PAIP2: variants seen among roughly 807,000 people sequenced by gnomAD.
PAIP2 encodes the protein polyadenylate-binding protein-interacting protein 2.
Under a neutral mutation model 14.8 loss-of-function variants are expected in PAIP2, and 7 were observed. The ratio of observed to expected loss-of-function variants is 0.47; its 90% CI spans 0.27 to 0.89. The LOEUF (loss-of-function observed/expected upper bound fraction) is 0.89, where lower values mean the gene tolerates loss of function less well. PAIP2 is among the 40% of genes least tolerant of loss of function. The probability of loss-of-function intolerance (pLI) is 0.13; values close to 1 mark genes in which losing one functional copy is unlikely to be tolerated. For missense variants in PAIP2, 122 were observed against 154.7 expected, an observed-to-expected ratio of 0.79 and a Z score of 1.12; for synonymous variants, 47 against 45.3, an observed-to-expected ratio of 1.04 and a Z score of -0.15.
At chr5:139,354,988 T>G (rs1756864586) in intron 1 of PAIP2, among the ~76,000 whole-genome samples, 1 of 151,824 alleles carries the variant, frequency 6.6e-6, no homozygotes, top group African/African-American at 2.4e-5. Flanking sequence ...TCTGGCTAAT[T>G]TTTGTACTTT....
intron 1 of PAIP2, among the ~76,000 whole-genome samples, chr5:139,352,486 C>G (rs1756763418): frequency 1.3e-5 from 1 of 79,678 alleles, no homozygotes; most frequent in South Asian, 4.7e-4. Context: ...TAATTCCTGC[C>G]AGTTTTTTTT....
chr5:139,365,254 G>A (rs1757184836), intron 3 of PAIP2, among the ~76,000 whole-genome samples: 1 of 152,042 alleles, frequency 6.6e-6, no homozygotes. Context: ...GGGAGGCCGA[G>A]GTGGGTGGAT....
At chr5:139,352,503 T>TTTTTTTTTTTTTTTTG (rs1422182919) in intron 1 of PAIP2, among the ~76,000 whole-genome samples, 2 of 124,458 alleles carry the variant, frequency 1.6e-5, no homozygotes, top group Admixed American at 8.1e-5. Context: ...TTTTTTGTTG[T>TTTTTTTTTTTTTTTTG]TTTTTTTTTT....
At chr5:139,351,193 G>A (rs185806489) in intron 1 of PAIP2, among the ~76,000 whole-genome samples, 127 of 152,108 alleles carry the variant, frequency 8.3e-4, no homozygotes, top group Non-Finnish European at 1.5e-3. Context: ...ATAGGAATGC[G>A]TATTGCCACA....
chr5:139,369,521 C>T lies in PAIP2; in HGVS notation c.*723C>T, dbSNP rs1757521124. ...TAACATGATTTGAGTGGTGCTTTTC[C>T]TTGCTTTGTTAACCATCACGAGAGT... On this transcript the variant is annotated 3_prime_UTR_variant, in exon 4 of 4. Transcript: ENST00000265192. 6.6e-6 allele frequency: 1 copy of T among 152,442 alleles called. No individual in the cohort carries two copies. The highest frequency in any genetic ancestry group is 2.4e-5 in the African/African-American group (1 of 41,380). The allele number at this position is 152,442 out of a possible 1,614,324, so 9.4% of individuals were successfully genotyped here.
In PAIP2 at chr5:139,369,042, A is replaced by G. The variant is rs1035591935; in HGVS notation, c.*244A>G. ...TGAAGACAGCAAGGAAAGAAGCACCAGTCAAGTTGTGAACAAGCACCAAAT... is the reference window on the plus strand; with the variant it reads ...TGAAGACAGCAAGGAAAGAAGCACCGGTCAAGTTGTGAACAAGCACCAAAT... On this transcript the variant is annotated 3_prime_UTR_variant, in exon 4 of 4. Coordinates refer to ENST00000265192, the MANE Select transcript of PAIP2 (RefSeq NM_016480.5). 3 of 374,452 alleles carry G rather than the reference A, an allele frequency of 8.0e-6. No homozygotes were observed. The highest frequency in any genetic ancestry group is 1.4e-5 in the Non-Finnish European group (3 of 208,202). 23.2% of individuals were successfully genotyped at this position (374,452 alleles called of 1,614,324 possible).
intron 3 of PAIP2, among the ~76,000 whole-genome samples, chr5:139,366,015 C>T (rs990663347): frequency 1.3e-5 from 2 of 152,040 alleles, no homozygotes; most frequent in Non-Finnish European, 2.9e-5. Flanking sequence ...GCCTGACCAA[C>T]ATGGTGAAAC....
intron 1 of PAIP2, among the ~76,000 whole-genome samples, chr5:139,354,674 C>T (rs941256480): frequency 5.9e-5 from 9 of 152,110 alleles, no homozygotes; most frequent in Admixed American, 3.3e-4. Context: ...GGTCTGTCAA[C>T]GTTCTGTTCA....
intron 1 of PAIP2, among the ~76,000 whole-genome samples, chr5:139,356,112 T>C (rs1392903402): frequency 7.9e-5 from 12 of 151,332 alleles, no homozygotes; most frequent in Admixed American, 5.9e-4. Flanking sequence ...CACTCCAGCC[T>C]GGGTGACAGA....
At chr5:139,357,996 A>G (rs1163863925) in intron 1 of PAIP2, among the ~76,000 whole-genome samples, 1 of 152,034 alleles carries the variant, frequency 6.6e-6, no homozygotes, top group Non-Finnish European at 1.5e-5. Flanking sequence ...TTTTTTCTTA[A>G]GCATTCCTCT....
chr5:139,360,742 C>A (rs1757045331), intron 1 of PAIP2, among the ~76,000 whole-genome samples: 1 of 151,544 alleles, frequency 6.6e-6, no homozygotes, highest in Non-Finnish European at 1.5e-5. Context: ...GGATTACAGG[C>A]ATGAGCCGCA....
In PAIP2 at chr5:139,363,783, C is replaced by A; in HGVS notation, c.-2C>A. On this transcript the variant is annotated 5_prime_UTR_variant, in exon 2 of 4. Coordinates refer to ENST00000265192, the MANE Select transcript of PAIP2 (RefSeq NM_016480.5). Reference sequence around the variant, plus strand: ...GGTTAAAAACGACAACCAACATCAGCCATGAAAGATCCAAGTCGCAGCAGT... The same window carrying A: ...GGTTAAAAACGACAACCAACATCAGACATGAAAGATCCAAGTCGCAGCAGT... 2 of 1,613,430 alleles carry A rather than the reference C, an allele frequency of 1.2e-6. No individual in the cohort carries two copies. The highest frequency in any genetic ancestry group is 1.7e-6 in the Non-Finnish European group (2 of 1,179,672).
At chr5:139,365,977 G>A (rs909828582) in intron 3 of PAIP2, among the ~76,000 whole-genome samples, 3 of 152,070 alleles carry the variant, frequency 2.0e-5, no homozygotes, top group Non-Finnish European at 2.9e-5. Context: ...CGAGGCACGC[G>A]GATCACGAGG....
chr5:139,361,101 A>G (rs1936659061), intron 1 of PAIP2, among the ~76,000 whole-genome samples: 1 of 152,072 alleles, frequency 6.6e-6, no homozygotes, highest in African/African-American at 2.4e-5. Context: ...TTATAGATAT[A>G]CATACTATAA....
chr5:139,364,261 C>G (rs547979118), intron 2 of PAIP2, among the ~76,000 whole-genome samples: 26 of 152,224 alleles, frequency 1.7e-4, no homozygotes, highest in African/African-American at 6.3e-4. Flanking sequence ...CCGTGAAAGT[C>G]AAGAGAATTC....
At chr5:139,349,287 C>T (rs915238111) in intron 1 of PAIP2, among the ~76,000 whole-genome samples, 8 of 152,082 alleles carry the variant, frequency 5.3e-5, no homozygotes, top group Admixed American at 2.0e-4. Flanking sequence ...CTCGCTCTGT[C>T]GCCCAGGCTG....
intron 3 of PAIP2, among the ~76,000 whole-genome samples, chr5:139,368,107 G>A (rs1038302571): frequency 2.6e-5 from 4 of 152,080 alleles, no homozygotes; most frequent in Admixed American, 2.0e-4. Context: ...AGGCCAAGGC[G>A]GGCGGATCAC....
chr5:139,364,346 G>GA, intron 2 of PAIP2, among the ~76,000 whole-genome samples: 1 of 151,906 alleles, frequency 6.6e-6, no homozygotes, highest in South Asian at 2.1e-4. Context: ...ACCCTCAATG[G>GA]AAAAAAGAAT....
intron 1 of PAIP2, among the ~76,000 whole-genome samples, chr5:139,353,214 T>TC (rs1756802511): frequency 6.6e-6 from 1 of 152,196 alleles, no homozygotes. Flanking sequence ...TACTGTATTG[T>TC]TAAGTCATTG....
Sources: gnomAD v4.1 joint callset for allele counts (sites outside exome capture counted in the v4.1 genomes callset) on GRCh38, gnomAD v4.1.1 for gene constraint, MANE v1.5 for transcripts, NCBI Gene and HGNC (gene_info 2026-07-23, HGNC 2026-07-21) for gene names.